The following SOX5 variants were observed in gnomAD, a reference collection of about 807,000 sequenced individuals.
SOX5 encodes the protein SRY-box transcription factor 5, also known as transcription factor SOX-5.
In SOX5, 9 loss-of-function variants were observed where a neutral mutation model predicts 92.0. The ratio of observed to expected loss-of-function variants is 0.10; its 90% CI spans 0.06 to 0.17. The LOEUF (loss-of-function observed/expected upper bound fraction) is 0.17. SOX5 is among the 10% of genes least tolerant of loss of function. The pLI, the probability that SOX5 is intolerant of heterozygous loss-of-function variation, is 1.00. For missense variants in SOX5, 642 were observed against 944.5 expected (o/e 0.68, Z 4.20); for synonymous variants, 344 against 336.3 (o/e 1.02, Z -0.25).
intron 2 of SOX5, among the ~76,000 whole-genome samples, chr12:24,307,503 A>C (rs1565874073): frequency 5.8e-4 from 21 of 36,206 alleles, no homozygotes; most frequent in South Asian, 3.4e-3. Flanking sequence ...GGAAGGAAGG[A>C]AGGAAGGAAG....
At chr12:24,031,520 GA>G (rs1394965189) in intron 4 of SOX5, among the ~76,000 whole-genome samples, 1 of 151,748 alleles carries the variant, frequency 6.6e-6, no homozygotes, top group Non-Finnish European at 1.5e-5. Flanking sequence ...TGGTTACCAG[GA>G]GCTGCAGAGG....
chr12:23,846,440 A>T (rs2096576203), intron 2 of SOX5, among the ~76,000 whole-genome samples: 1 of 152,234 alleles, frequency 6.6e-6, no homozygotes, highest in Admixed American at 6.5e-5. Context: ...GTACTAGAGT[A>T]AGTCAAAGAT....
intron 2 of SOX5, among the ~76,000 whole-genome samples, chr12:23,856,588 T>G (rs1053629990): frequency 1.3e-5 from 2 of 152,164 alleles, no homozygotes; most frequent in African/African-American, 4.8e-5. Flanking sequence ...GATTCAATTC[T>G]AAACTCCTTG....
At chr12:24,518,839 T>C (rs1950021476) in intron 1 of SOX5, among the ~76,000 whole-genome samples, 1 of 152,220 alleles carries the variant, frequency 6.6e-6, no homozygotes, top group African/African-American at 2.4e-5. Flanking sequence ...GCTTTAAAAA[T>C]CATTAAATTG....
At chr12:23,587,295 C>T (rs897134540) in intron 9 of SOX5, among the ~76,000 whole-genome samples, 7 of 151,996 alleles carry the variant, frequency 4.6e-5, no homozygotes, top group Non-Finnish European at 7.4e-5. Context: ...TACGAGATAT[C>T]ATCAACCCCA....
chr12:23,779,702 G>A (rs1240398579), intron 3 of SOX5, among the ~76,000 whole-genome samples: 2 of 148,176 alleles, frequency 1.3e-5, no homozygotes, highest in Admixed American at 6.8e-5. Flanking sequence ...CTGTTTTCTG[G>A]CAACTTCTTT....
intron 1 of SOX5, among the ~76,000 whole-genome samples, chr12:24,531,733 C>G (rs926010836): frequency 6.6e-6 from 1 of 152,152 alleles, no homozygotes; most frequent in South Asian, 2.1e-4. Context: ...CTCTGCTACC[C>G]CCACCTTTCA....
intron 6 of SOX5, among the ~76,000 whole-genome samples, chr12:23,698,621 T>C (rs75987196): frequency 0.034 from 5,252 of 152,270 alleles, 279 homozygotes; most frequent in African/African-American, 0.12. Flanking sequence ...TATTCTAACA[T>C]CTATGCCACT....
chr12:24,285,286 C>A (rs1945729281), intron 2 of SOX5, among the ~76,000 whole-genome samples: 1 of 151,398 alleles, frequency 6.6e-6, no homozygotes, highest in Admixed American at 6.6e-5. Flanking sequence ...GAAGTATTAA[C>A]AGGTCAAGAC....
At position 23,808,242 on chromosome 12, in the gene SOX5, C is replaced by T. The variant is rs529063566; in HGVS notation, c.481+37741G>A. On this transcript the variant is annotated intron_variant, in intron 3 of 14. Coordinates refer to ENST00000451604, the MANE Select transcript of SOX5 (RefSeq NM_006940.6). ...ATGAATCAAAGTTAACTCTGTATTT[C>T]TACCACCTTTTCAATGACTTTCCCA... 2.8e-4 allele frequency among the ~76,000 whole-genome samples: 42 copies of T among 152,188 alleles called. No individual in the cohort carries two copies. In the South Asian group the frequency reaches 4.1e-3, roughly 15 times the overall value.
intron 4 of SOX5, among the ~76,000 whole-genome samples, chr12:24,199,150 C>A (rs1373594314): frequency 6.6e-6 from 1 of 152,098 alleles, no homozygotes; most frequent in Non-Finnish European, 1.5e-5. Flanking sequence ...CAAAGCACGG[C>A]CTCTGTGTCT....
intron 1 of SOX5, among the ~76,000 whole-genome samples, chr12:24,536,974 T>G (rs1190710977): frequency 6.6e-6 from 1 of 152,200 alleles, no homozygotes; most frequent in East Asian, 1.9e-4. Context: ...TGCCACACAA[T>G]AATATTAGCT....
intron 1 of SOX5, among the ~76,000 whole-genome samples, chr12:24,500,515 C>A (rs1031158502): frequency 1.3e-5 from 2 of 152,108 alleles, no homozygotes; most frequent in African/African-American, 4.8e-5. Flanking sequence ...AAAAAACACA[C>A]CCCAAAAGAG....
chr12:24,027,978 GCTCCCTGTTA>G (rs1955067489), intron 4 of SOX5, among the ~76,000 whole-genome samples: 2 of 152,038 alleles, frequency 1.3e-5, no homozygotes, highest in East Asian at 3.9e-4. Flanking sequence ...TGATCATTGT[GCTCCCTGTTA>G]CTCTGTATTC....
At chr12:24,186,521 C>T (rs1486997320) in intron 4 of SOX5, among the ~76,000 whole-genome samples, 1 of 151,612 alleles carries the variant, frequency 6.6e-6, no homozygotes, top group Non-Finnish European at 1.5e-5. Flanking sequence ...TATAATAACT[C>T]CAGGAATGGC....
intron 4 of SOX5, among the ~76,000 whole-genome samples, chr12:24,160,103 A>C (rs1255911249): frequency 6.6e-6 from 1 of 152,118 alleles, no homozygotes; most frequent in Non-Finnish European, 1.5e-5. Context: ...TCAGCTTTAC[A>C]TGCCACTATT....
chr12:23,962,589 C>T (rs746596066), intron 4 of SOX5, among the ~76,000 whole-genome samples: 9 of 152,098 alleles, frequency 5.9e-5, no homozygotes, highest in South Asian at 2.1e-4. Flanking sequence ...CATAACATAA[C>T]GGAACTCTTT....
intron 3 of SOX5, among the ~76,000 whole-genome samples, chr12:24,222,621 C>T (rs953973316): frequency 6.6e-6 from 1 of 151,946 alleles, no homozygotes; most frequent in Admixed American, 6.6e-5. Context: ...GCAAGAATTT[C>T]GCAAAATGAG....
chr12:23,918,604 C>T (rs552917226), intron 1 of SOX5, among the ~76,000 whole-genome samples: 1 of 152,250 alleles, frequency 6.6e-6, no homozygotes, highest in South Asian at 2.1e-4. Context: ...AAATATTTTA[C>T]CTGCCTATAT....
Sources: allele counts gnomAD v4.1 joint callset (sites outside exome capture counted in the v4.1 genomes callset), GRCh38; gene constraint gnomAD v4.1.1; transcripts MANE v1.5; gene names NCBI Gene and HGNC (gene_info 2026-07-23, HGNC 2026-07-21).